The following SHISA6 variants were observed in gnomAD, a reference collection of about 807,000 sequenced individuals.
The protein encoded by SHISA6 is protein shisa-6.
Under a neutral mutation model 47.9 loss-of-function variants are expected in SHISA6, and 22 were observed. The observed-to-expected ratio is 0.46, with a 90% CI of 0.33 to 0.66. The LOEUF (loss-of-function observed/expected upper bound fraction) is 0.66, where lower values mean the gene tolerates loss of function less well. Among genes scored for constraint, SHISA6 ranks in the 30% least tolerant of loss-of-function variants. The pLI, the probability that SHISA6 is intolerant of heterozygous loss-of-function variation, is 0.02. For missense variants in SHISA6, 680 were observed against 764.6 expected, an observed-to-expected ratio of 0.89 and a Z score of 1.30; for synonymous variants, 388 against 337.8, an observed-to-expected ratio of 1.15 and a Z score of -1.63.
chr17:11,437,366 G>A (rs1334782452), intron 3 of SHISA6, among the ~76,000 whole-genome samples: 3 of 152,142 alleles, frequency 2.0e-5, no homozygotes, highest in Non-Finnish European at 4.4e-5. Context: ...GAACATTCTC[G>A]AAGTGGATCA....
chr17:11,393,106 G>A (rs1343813050), intron 3 of SHISA6, among the ~76,000 whole-genome samples: 1 of 152,224 alleles, frequency 6.6e-6, no homozygotes, highest in Non-Finnish European at 1.5e-5. Flanking sequence ...GTCTTCAGGA[G>A]ATCCCCTTTA....
At chr17:11,319,443 A>T (rs1910639267) in intron 2 of SHISA6, among the ~76,000 whole-genome samples, 1 of 152,192 alleles carries the variant, frequency 6.6e-6, no homozygotes, top group Non-Finnish European at 1.5e-5. Context: ...GGTCTCTGAG[A>T]ATACTGATTT....
intron 1 of SHISA6, among the ~76,000 whole-genome samples, chr17:11,261,652 A>C (rs532860346): frequency 6.6e-6 from 1 of 152,308 alleles, no homozygotes; most frequent in Admixed American, 6.5e-5. Flanking sequence ...CCTTTTTTAA[A>C]TGACTGAATA....
In SHISA6 at chr17:11,288,187, A is replaced by G. The variant is rs138498435; in HGVS notation, c.799+24661A>G. 145 of 152,370 alleles carry G rather than the reference A, an allele frequency of 9.5e-4. 1 individual carries two copies. Among genetic ancestry groups the G allele is most frequent in the African/African-American group, 3.3e-3 (138 of 41,588 alleles). The allele number at this position is 152,370 out of a possible 1,614,324, so 9.4% of individuals were successfully genotyped here. A position where few individuals can be genotyped will look rare whatever the true frequency, so the allele number is the denominator to read the frequency against. On this transcript the variant is annotated intron_variant, in intron 2 of 5. Coordinates refer to ENST00000441885, the MANE Select transcript of SHISA6 (RefSeq NM_207386.4). The stretch of plus-strand genomic sequence containing the variant: ...TGTCTCACTTAAATAAATGATCAAT[A>G]CTTCCTTAATCTCACCAAATACCCA...
intron 1 of SHISA6, among the ~76,000 whole-genome samples, chr17:11,259,303 C>T (rs1350749785): frequency 6.6e-6 from 1 of 152,134 alleles, no homozygotes; most frequent in Non-Finnish European, 1.5e-5. Context: ...ACATACATAA[C>T]CTCTAAAAGT....
rs58392834 is a variant in SHISA6 at position 11,531,211 on chromosome 17, CTGTGTGTGTGTGTGTGTGTGTGTG to C, written c.896-20653_896-20630del. ...TGTGTGAGCTGGACAGGTTACTACT[CTGTGTGTGTGTGTGTGTGTGTGTG>C]TGTGTGTGTGTGTGTGTGTGTGTGT... is the stretch of plus-strand genomic sequence containing the variant. On this transcript the variant is annotated intron_variant, in intron 3 of 5. Transcript: ENST00000441885. Among the ~76,000 whole-genome samples, 665 of 134,054 alleles carry C rather than the reference CTGTGTGTGTGTGTGTGTGTGTGTG, an allele frequency of 5.0e-3. 8 individuals carry two copies. Among genetic ancestry groups the C allele is most frequent in the African/African-American group, 0.016 (569 of 36,126 alleles). The allele number at this position is 134,054 out of a possible 152,430, so 87.9% of individuals were successfully genotyped here. A position where few individuals can be genotyped will look rare whatever the true frequency, so the allele number is the denominator to read the frequency against.
At chr17:11,333,561 C>T (rs1911208747) in intron 2 of SHISA6, among the ~76,000 whole-genome samples, 1 of 152,082 alleles carries the variant, frequency 6.6e-6, no homozygotes. Context: ...GTCGCCCAGG[C>T]TGGAGTGCAG....
intron 3 of SHISA6, among the ~76,000 whole-genome samples, chr17:11,459,357 C>T (rs1306372230): frequency 6.6e-6 from 1 of 152,118 alleles, no homozygotes; most frequent in Non-Finnish European, 1.5e-5. Context: ...TAATAATATG[C>T]CCCTGCTATA....
intron 2 of SHISA6, 48 bp from the exon 3 acceptor site, chr17:11,379,366 T>C (rs762049968): frequency 5.0e-5 from 66 of 1,333,278 alleles, no homozygotes; most frequent in Non-Finnish European, 6.5e-5. Flanking sequence ...TTGTCTTCCA[T>C]GTTGGTGTCG....
intron 1 of SHISA6, among the ~76,000 whole-genome samples, chr17:11,261,824 G>A (rs1205035137): frequency 6.6e-6 from 1 of 152,196 alleles, no homozygotes; most frequent in African/African-American, 2.4e-5. Context: ...GGAATACCTA[G>A]GAGTAGATTT....
At chr17:11,430,515 T>G (rs1409254718) in intron 3 of SHISA6, among the ~76,000 whole-genome samples, 1 of 151,756 alleles carries the variant, frequency 6.6e-6, no homozygotes, top group Admixed American at 6.6e-5. Context: ...TCATGGGGGG[T>G]TTGGAGGTGT....
intron 3 of SHISA6, among the ~76,000 whole-genome samples, chr17:11,496,160 G>A (rs1295547787): frequency 2.0e-5 from 3 of 152,142 alleles, no homozygotes; most frequent in Non-Finnish European, 4.4e-5. Context: ...AACCAGTGGG[G>A]CCTCCCCATT....
chr17:11,376,311 GT>G (rs1016149109), intron 2 of SHISA6, among the ~76,000 whole-genome samples: 2 of 107,584 alleles, frequency 1.9e-5, no homozygotes, highest in South Asian at 4.1e-4. Flanking sequence ...GGGGCTTCAT[GT>G]TTTTTTTTGT....
Position 11,312,188 on chromosome 17 carries a change from A to G in SHISA6, c.799+48662A>G, listed in dbSNP as rs548481640. 2.1e-4 allele frequency among the ~76,000 whole-genome samples: 32 copies of G among 152,284 alleles called. 1 individual carries two copies. The South Asian group carries it at 6.2e-3, about 30-fold the overall frequency. On this transcript the variant is annotated intron_variant, in intron 2 of 5. Coordinates refer to ENST00000441885, the MANE Select transcript of SHISA6 (RefSeq NM_207386.4). ...TATTACTTACATGTTTTCTAAATGT[A>G]TTAATTGCCACTTTTATCCATTAAT...
In SHISA6 at chr17:11,241,669, G is replaced by A. The variant is rs1264198266; in HGVS notation, c.247G>A (p.Ala83Thr). 1 of 1,464,298 alleles carries A rather than the reference G, an allele frequency of 6.8e-7. No individual in the cohort carries two copies. Among genetic ancestry groups the A allele is most frequent in the Non-Finnish European group, 9.0e-7 (1 of 1,114,244 alleles). The allele number at this position is 1,464,298 out of a possible 1,614,324, so 90.7% of individuals were successfully genotyped here. Reference protein sequence around the residue: ...RRGQPAAAVAAAASAAVTYET... With the variant: ...RRGQPAAAVATAASAAVTYET... ...GGGGCAGCCCGCGGCGGCTGTGGCG[G>A]CGGCGGCCAGCGCGGCCGTCACCTA... The change falls in exon 1 of 6, where the codon GCG (alanine) becomes ACG (threonine). Residue 83 changes from alanine (A) to threonine (T), a missense_variant. Ala to Thr is a moderately conservative substitution (Grantham distance 58). Transcript: ENST00000441885. This position sits in a 1 kb window ranked among gnomAD's most constrained non-coding sequence, Gnocchi z 5.5.
At chr17:11,295,147 T>C (rs188939449) in intron 2 of SHISA6, among the ~76,000 whole-genome samples, 9 of 152,342 alleles carry the variant, frequency 5.9e-5, no homozygotes, top group African/African-American at 1.7e-4. Flanking sequence ...TTAAAACTTA[T>C]GAGTTGTTTA....
Position 11,557,912 on chromosome 17 carries a change from G to A in SHISA6, c.1264G>A (p.Val422Ile), listed in dbSNP as rs779029422. 5.2e-6 allele frequency: 8 copies of A among 1,551,606 alleles called. No homozygotes were observed. The highest frequency in any genetic ancestry group is 7.0e-6 in the Non-Finnish European group (8 of 1,146,986). The change falls in exon 6 of 6, where the codon GTC (valine) becomes ATC (isoleucine). Residue 422 changes from valine (V) to isoleucine (I), a missense_variant. Around this residue, in one of 2 missense-constraint regions of SHISA6, gnomAD observed 559 missense variants for 674.1 expected, o/e 0.83. Coordinates refer to ENST00000441885, the MANE Select transcript of SHISA6 (RefSeq NM_207386.4). ...RPIRAMSQDR[V>I]LSPDRGLPDE... Reference sequence around the variant, plus strand: ...CATCCGGGCCATGTCCCAGGACAGGGTCCTGTCCCCGGATCGGGGCCTGCC... The same window carrying A: ...CATCCGGGCCATGTCCCAGGACAGGATCCTGTCCCCGGATCGGGGCCTGCC...
intron 2 of SHISA6, among the ~76,000 whole-genome samples, chr17:11,293,721 C>T (rs888465777): frequency 6.6e-6 from 1 of 152,078 alleles, no homozygotes; most frequent in African/African-American, 2.4e-5. Context: ...CTGGCCTCAG[C>T]GAAGTCAGTC....
intron 3 of SHISA6, among the ~76,000 whole-genome samples, chr17:11,450,669 T>C (rs924787916): frequency 6.6e-6 from 1 of 150,866 alleles, no homozygotes; most frequent in East Asian, 2.0e-4. Context: ...CACTCCAGCC[T>C]GGGCAACAAG....
Sources: gnomAD v4.1 joint callset for allele counts (sites outside exome capture counted in the v4.1 genomes callset) on GRCh38, gnomAD v4.1.1 for gene constraint, gnomAD v4.1.1 regional missense constraint, Gnocchi (gnomAD v3.1) non-coding constraint, MANE v1.5 for transcripts, NCBI Gene and HGNC (gene_info 2026-07-23, HGNC 2026-07-21) for gene names.